RBFOX1: variants seen among roughly 807,000 people sequenced by gnomAD.
RBFOX1 encodes RNA binding fox-1 homolog 1.
A neutral mutation model predicts 57.7 loss-of-function variants in RBFOX1; 8 were observed. That is an observed-to-expected ratio of 0.14 (90% confidence interval 0.08 to 0.25). The LOEUF (loss-of-function observed/expected upper bound fraction) is 0.25, where lower values mean the gene tolerates loss of function less well. RBFOX1 is among the 10% of genes least tolerant of loss of function. The pLI is 1.00. For synonymous variants in RBFOX1, 326 were observed against 222.4 expected, an observed-to-expected ratio of 1.47 and a Z score of -4.15; for missense variants, 611 against 548.5, an observed-to-expected ratio of 1.11 and a Z score of -1.14.
intron 4 of RBFOX1, among the ~76,000 whole-genome samples, chr16:7,248,850 A>T (rs547220748): frequency 6.6e-6 from 1 of 152,226 alleles, no homozygotes. Flanking sequence ...ATCTATTTGT[A>T]ATCTGTATGT....
intron 2 of RBFOX1, among the ~76,000 whole-genome samples, chr16:6,524,994 A>C (rs370158901): frequency 6.6e-6 from 1 of 152,196 alleles, no homozygotes; most frequent in African/African-American, 2.4e-5. Context: ...CTGGGTAAAC[A>C]TAAATTTTCA....
intron 3 of RBFOX1, among the ~76,000 whole-genome samples, chr16:7,019,571 G>T (rs1337850914): frequency 1.3e-5 from 2 of 152,134 alleles, no homozygotes; most frequent in African/African-American, 4.8e-5. Flanking sequence ...TTTACAGTTC[G>T]AATGAATGAT....
At chr16:6,681,283 A>T (rs962713383) in intron 3 of RBFOX1, among the ~76,000 whole-genome samples, 1 of 152,108 alleles carries the variant, frequency 6.6e-6, no homozygotes, top group African/African-American at 2.4e-5. Flanking sequence ...ACACCACTGC[A>T]CTCCAGTTTA....
chr16:5,373,705 G>T (rs994746288), intron 1 of RBFOX1, among the ~76,000 whole-genome samples: 2 of 149,966 alleles, frequency 1.3e-5, no homozygotes, highest in Middle Eastern at 3.6e-3. Flanking sequence ...CCGGGTTCAG[G>T]CTATTCTCCT....
chr16:6,068,046 C>CAAG (rs1401764033), intron 1 of RBFOX1, among the ~76,000 whole-genome samples: 1 of 152,114 alleles, frequency 6.6e-6, no homozygotes, highest in Non-Finnish European at 1.5e-5. Context: ...CTTTTATTCT[C>CAAG]AGAGTTCTGT....
At chr16:6,392,743 G>A (rs2092661591) in intron 2 of RBFOX1, among the ~76,000 whole-genome samples, 1 of 152,198 alleles carries the variant, frequency 6.6e-6, no homozygotes, top group South Asian at 2.1e-4. Context: ...TAGATGGTAT[G>A]CTAAATTCCC....
At chr16:7,348,021 T>C (rs982590325) in intron 4 of RBFOX1, among the ~76,000 whole-genome samples, 3 of 152,226 alleles carry the variant, frequency 2.0e-5, no homozygotes, top group African/African-American at 7.2e-5. Flanking sequence ...TCAATTGATT[T>C]GGTTTTCGAT....
At chr16:5,544,186 C>T (rs1046103586) in intron 2 of RBFOX1, among the ~76,000 whole-genome samples, 19 of 152,070 alleles carry the variant, frequency 1.2e-4, no homozygotes, top group African/African-American at 4.6e-4. Context: ...GGCCATTAAA[C>T]CAGTCTCAAT....
intron 14 of RBFOX1, among the ~76,000 whole-genome samples, chr16:7,682,023 G>A (rs770846987): frequency 6.6e-5 from 10 of 152,022 alleles, no homozygotes; most frequent in African/African-American, 1.7e-4. Flanking sequence ...GCATATTTAC[G>A]GTTTATCAAA....
chr16:5,736,865 C>G (rs1257219856), intron 3 of RBFOX1, among the ~76,000 whole-genome samples: 1 of 140,654 alleles, frequency 7.1e-6, no homozygotes, highest in African/African-American at 2.6e-5. Context: ...CCTTCTCTTT[C>G]CCTCCCTTCT....
intron 2 of RBFOX1, among the ~76,000 whole-genome samples, chr16:5,512,789 C>T (rs2043650851): frequency 6.6e-6 from 1 of 152,156 alleles, no homozygotes; most frequent in African/African-American, 2.4e-5. Flanking sequence ...ACCTAAAGTC[C>T]ACACTTTATT....
chr16:5,587,252 A>C (rs1185165271), intron 2 of RBFOX1, among the ~76,000 whole-genome samples: 1 of 152,228 alleles, frequency 6.6e-6, no homozygotes, highest in Non-Finnish European at 1.5e-5. Flanking sequence ...ACACAACTCA[A>C]TTAAAAAATG....
chr16:5,874,494 C>G (rs780453678), intron 4 of RBFOX1, among the ~76,000 whole-genome samples: 105 of 151,988 alleles, frequency 6.9e-4, no homozygotes, highest in Admixed American at 1.7e-3. Context: ...TTGGACTGAG[C>G]AGAGATATTT....
intron 4 of RBFOX1, among the ~76,000 whole-genome samples, chr16:7,422,186 G>A (rs2098549491): frequency 1.3e-5 from 2 of 152,102 alleles, no homozygotes; most frequent in Admixed American, 1.3e-4. Context: ...GTGCTTGTGC[G>A]AGTGAGAAAC....
chr16:6,723,098 C>G (rs951492539), intron 3 of RBFOX1, among the ~76,000 whole-genome samples: 3 of 152,140 alleles, frequency 2.0e-5, no homozygotes, highest in African/African-American at 7.2e-5. Context: ...GATGTGGACA[C>G]CAGAGTTTTC....
chr16:7,027,739 T>G (rs2041408006), intron 3 of RBFOX1, among the ~76,000 whole-genome samples: 1 of 152,104 alleles, frequency 6.6e-6, no homozygotes, highest in South Asian at 2.1e-4. Flanking sequence ...CAAATAGACT[T>G]CTTTCCTTTT....
chr16:7,639,112 G>C (rs190868405), intron 11 of RBFOX1, among the ~76,000 whole-genome samples: 1 of 152,134 alleles, frequency 6.6e-6, no homozygotes, highest in South Asian at 2.1e-4. Context: ...CAGGAATTGG[G>C]TGGTTAGTTT....
At chr16:7,380,627 G>A (rs577659035) in intron 4 of RBFOX1, among the ~76,000 whole-genome samples, 5 of 152,300 alleles carry the variant, frequency 3.3e-5, no homozygotes, top group South Asian at 4.2e-4. Flanking sequence ...CAATTCAGAC[G>A]CTGGCAGCAG....
chr16:7,034,963 C>T (rs923309266), intron 3 of RBFOX1, among the ~76,000 whole-genome samples: 1 of 148,120 alleles, frequency 6.8e-6, no homozygotes, highest in Non-Finnish European at 1.5e-5. Flanking sequence ...ATTCTCATTC[C>T]TCAGCCTCTG....
Sources: allele counts gnomAD v4.1 joint callset (sites outside exome capture counted in the v4.1 genomes callset), GRCh38; gene constraint gnomAD v4.1.1; transcripts MANE v1.5; gene names NCBI Gene and HGNC (gene_info 2026-07-23, HGNC 2026-07-21).